GPD2: variants seen among roughly 807,000 people sequenced by gnomAD.
The protein encoded by GPD2 is glycerol-3-phosphate dehydrogenase, mitochondrial.
GPD2 carries 54 observed loss-of-function variants against 82.4 expected under a neutral mutation model. The observed-to-expected ratio is 0.66, with a 90% CI of 0.53 to 0.82. GPD2 has a LOEUF of 0.82. GPD2 is among the 40% of genes least tolerant of loss of function. The probability of loss-of-function intolerance (pLI) is 0.00; values close to 1 mark genes in which losing one functional copy is unlikely to be tolerated. For missense variants in GPD2, 748 were observed against 896.2 expected (o/e 0.83, Z 2.11); for synonymous variants, 288 against 306.1 (o/e 0.94, Z 0.62).
intron 2 of GPD2, among the ~76,000 whole-genome samples, chr2:156,490,735 G>C (rs935120174): frequency 6.6e-6 from 1 of 152,096 alleles, no homozygotes; most frequent in Non-Finnish European, 1.5e-5. Flanking sequence ...CTTAACTTCT[G>C]TATGTCTCAG....
intron 15 of GPD2, among the ~76,000 whole-genome samples, chr2:156,579,481 A>G (rs893659109): frequency 6.6e-6 from 1 of 151,518 alleles, no homozygotes; most frequent in Non-Finnish European, 1.5e-5. Flanking sequence ...AGTGCGCACC[A>G]CCATGCCCGG....
chr2:156,563,612 G>A (rs936386988), intron 9 of GPD2, among the ~76,000 whole-genome samples: 1 of 152,152 alleles, frequency 6.6e-6, no homozygotes, highest in Admixed American at 6.5e-5. Flanking sequence ...AGCTTGAAAT[G>A]GTACATATTG....
rs1424781353 is a variant in GPD2 at position 156,582,872 on chromosome 2, A to T, written c.2138A>T (p.Asp713Val). The T allele has an allele frequency of 1.2e-6, 2 of 1,613,166 alleles. No homozygotes were observed. Among genetic ancestry groups the T allele is most frequent in the Non-Finnish European group, 1.7e-6 (2 of 1,179,354 alleles). ...ATGAAAACTGCAGAAGAGAACCTCG[A>T]CAGAAGAGTTCCAATTCCAGTGGAC... ...ILMKTAEENL[D>V]RRVPIPVDRS... The change falls in exon 17 of 17, where the codon GAC (aspartate) becomes GTC (valine). Residue 713 changes from aspartate (D) to valine (V), a missense_variant. Around this residue, in one of 3 missense-constraint regions of GPD2, gnomAD observed 46 missense variants for 49.1 expected, o/e 0.94. Coordinates refer to ENST00000438166, the MANE Select transcript of GPD2 (RefSeq NM_000408.5).
intron 1 of GPD2, among the ~76,000 whole-genome samples, chr2:156,456,460 G>A (rs572521402): frequency 4.6e-5 from 7 of 152,036 alleles, no homozygotes; most frequent in Non-Finnish European, 7.4e-5. Flanking sequence ...AAAACTAGTC[G>A]CATGTGGTGG....
At chr2:156,543,979 T>C (rs985274060) in intron 6 of GPD2, among the ~76,000 whole-genome samples, 1 of 152,198 alleles carries the variant, frequency 6.6e-6, no homozygotes, top group South Asian at 2.1e-4. Flanking sequence ...GGATTAACTT[T>C]AGTAGAAAAT....
chr2:156,428,618 A>G, the GPD2 span, among the ~76,000 whole-genome samples: 31 of 152,326 alleles, frequency 2.0e-4, no homozygotes, highest in Admixed American at 7.2e-4. Context: ...CAGGAAGGGA[A>G]CAGGATTATT....
the GPD2 span, among the ~76,000 whole-genome samples, chr2:156,425,923 CTTTTT>C: frequency 1.5e-5 from 2 of 136,400 alleles, 1 homozygote; most frequent in Admixed American, 1.5e-4. Context: ...AGTCTGGGTA[CTTTTT>C]TTTTTTTTTT....
the GPD2 span, among the ~76,000 whole-genome samples, chr2:156,411,830 A>C: frequency 1.3e-5 from 2 of 152,250 alleles, no homozygotes; most frequent in African/African-American, 2.4e-5. Context: ...TTACAGAATC[A>C]ATACAAATTA....
Position 156,569,455 on chromosome 2 carries a change from G to C in GPD2, c.1393G>C (p.Val465Leu), listed in dbSNP as rs1687524321. Reference sequence around the variant, plus strand: ...TTTAAAAGCAGGACCAAGTAGAACAGTTGGGCTTTTCCTTCAAGGGGGTAA... The same window carrying C: ...TTTAAAAGCAGGACCAAGTAGAACACTTGGGCTTTTCCTTCAAGGGGGTAA... ...HNLKAGPSRT[V>L]GLFLQGGKDW... The change falls in exon 11 of 17, where the codon GTT becomes CTT. Residue 465 changes from valine (V) to leucine (L), a missense_variant. Around this residue, in one of 3 missense-constraint regions of GPD2, gnomAD observed 692 missense variants for 809.7 expected, o/e 0.85. Transcript: ENST00000438166. 1.2e-6 allele frequency: 2 copies of C among 1,611,580 alleles called. No individual in the cohort carries two copies. Among genetic ancestry groups the C allele is most frequent in the African/African-American group, 1.3e-5 (1 of 74,946 alleles).
intron 9 of GPD2, among the ~76,000 whole-genome samples, chr2:156,559,305 T>C (rs576210541): frequency 3.9e-4 from 60 of 152,360 alleles, no homozygotes; most frequent in African/African-American, 1.3e-3. Flanking sequence ...TGTATGCTAC[T>C]CATGATTGTT....
chr2:156,556,704 G>A (rs1396519505), intron 8 of GPD2, among the ~76,000 whole-genome samples: 1 of 152,134 alleles, frequency 6.6e-6, no homozygotes, highest in East Asian at 1.9e-4. Flanking sequence ...TTCCTCTCCT[G>A]TTTGACCTTA....
At chr2:156,482,855 T>G (rs1037286550) in intron 2 of GPD2, among the ~76,000 whole-genome samples, 8 of 152,138 alleles carry the variant, frequency 5.3e-5, no homozygotes, top group African/African-American at 1.7e-4. Flanking sequence ...TGAGTTGAAA[T>G]ACAGGTAAGC....
chr2:156,487,161 C>T (rs1356297885), intron 2 of GPD2, among the ~76,000 whole-genome samples: 1 of 152,016 alleles, frequency 6.6e-6, no homozygotes, highest in African/African-American at 2.4e-5. Context: ...CAAAAATTAG[C>T]CAGGTGTGGT....
rs1686681534 is a variant in GPD2, at chr2:156,549,696, GA to G, written c.751del (p.Ser251AlafsTer15). 1.9e-6 allele frequency: 3 copies of G among 1,613,912 alleles called. No homozygotes were observed. The highest frequency in any genetic ancestry group is 2.7e-5 in the African/African-American group (2 of 74,936). ...AATANYMEVV[S>X]LLKKTDPQTG... ...CCACAGCCAATTACATGGAGGTAGT[GA>G]GCTTGCTCAAGAAGACAGACCCCCA... On this transcript the variant is annotated frameshift_variant, in exon 7 of 17. Transcript: ENST00000438166. LOFTEE classifies it high-confidence loss of function.
intron 9 of GPD2, among the ~76,000 whole-genome samples, chr2:156,562,317 A>G (rs1256237709): frequency 6.6e-6 from 1 of 152,226 alleles, no homozygotes; most frequent in Non-Finnish European, 1.5e-5. Context: ...TTTCATTGCC[A>G]GAGATTGTAC....
intron 8 of GPD2, among the ~76,000 whole-genome samples, chr2:156,551,399 A>G (rs1336499954): frequency 6.6e-6 from 1 of 152,204 alleles, no homozygotes; most frequent in African/African-American, 2.4e-5. Flanking sequence ...AATAAATTAC[A>G]AAAGAAACAT....
At chr2:156,425,948 A>G in the GPD2 span, among the ~76,000 whole-genome samples, 2 of 146,366 alleles carry the variant, frequency 1.4e-5, no homozygotes, top group Non-Finnish European at 3.0e-5. Flanking sequence ...TTTGAGACAC[A>G]GTTTCACTCT....
At chr2:156,416,762 T>C in the GPD2 span, among the ~76,000 whole-genome samples, 1 of 152,056 alleles carries the variant, frequency 6.6e-6, no homozygotes, top group South Asian at 2.1e-4. Flanking sequence ...GACACTCACA[T>C]TCTAATATGG....
the GPD2 span, among the ~76,000 whole-genome samples, chr2:156,420,733 A>T: frequency 6.6e-6 from 1 of 152,252 alleles, no homozygotes; most frequent in Non-Finnish European, 1.5e-5. Context: ...AAATTGATAT[A>T]TAAGAAGGAG....
Sources: gnomAD v4.1 joint callset for allele counts (sites outside exome capture counted in the v4.1 genomes callset) on GRCh38, gnomAD v4.1.1 for gene constraint, gnomAD v4.1.1 regional missense constraint, MANE v1.5 for transcripts, NCBI Gene and HGNC (gene_info 2026-07-23, HGNC 2026-07-21) for gene names.